Variants in FBXO11 observed in about 807,000 individuals in gnomAD.
FBXO11 encodes F-box only protein 11.
FBXO11 carries 13 observed loss-of-function variants against 117.0 expected under a neutral mutation model. That is an observed-to-expected ratio of 0.11 (90% CI 0.07 to 0.18). FBXO11 has a LOEUF of 0.18. Ranked by LOEUF, FBXO11 falls within the 10% of genes least tolerant of loss-of-function variation. The pLI, the probability that FBXO11 is intolerant of heterozygous loss-of-function variation, is 1.00. For missense variants in FBXO11, 767 were observed against 1,164.4 expected, an observed-to-expected ratio of 0.66 and a Z score of 4.97; for synonymous variants, 490 against 380.5, an observed-to-expected ratio of 1.29 and a Z score of -3.35.
At chr2:47,887,143 G>A (rs1415298995) in intron 1 of FBXO11, among the ~76,000 whole-genome samples, 2 of 151,992 alleles carry the variant, frequency 1.3e-5, no homozygotes, top group Non-Finnish European at 2.9e-5. Flanking sequence ...AACTTAGATG[G>A]GCATGGTGGC....
chr2:47,823,122 C>G, intron 12 of FBXO11, 21 bp downstream of exon 12: 2 of 1,544,140 alleles, frequency 1.3e-6, no homozygotes, highest in Non-Finnish European at 1.8e-6. Flanking sequence ...GTAATTTTCA[C>G]CCATAATTAT....
chr2:47,895,756 G>C (rs540697371), intron 1 of FBXO11, among the ~76,000 whole-genome samples: 7 of 151,804 alleles, frequency 4.6e-5, no homozygotes, highest in Admixed American at 1.3e-4. Context: ...GCAGTGGCAT[G>C]ATCTGGGCTC....
chr2:47,842,307 G>A (rs1170242884), intron 1 of FBXO11, among the ~76,000 whole-genome samples: 3 of 152,104 alleles, frequency 2.0e-5, no homozygotes, highest in Non-Finnish European at 2.9e-5. Flanking sequence ...AGCCACCGGC[G>A]CCCGGCAGGA....
intron 16 of FBXO11, among the ~76,000 whole-genome samples, chr2:47,817,638 T>A (rs1671094375): frequency 1.3e-5 from 2 of 152,216 alleles, no homozygotes; most frequent in South Asian, 2.1e-4. Context: ...AACTCCTCCT[T>A]TCACTTCAAT....
At chr2:47,834,222 T>G (rs1185285849) in intron 7 of FBXO11, among the ~76,000 whole-genome samples, 1 of 152,096 alleles carries the variant, frequency 6.6e-6, no homozygotes, top group Non-Finnish European at 1.5e-5. Context: ...TGGTGGTGCA[T>G]GCCTATAATC....
At chr2:47,838,031 G>C (rs1672723062) in intron 4 of FBXO11, among the ~76,000 whole-genome samples, 1 of 140,892 alleles carries the variant, frequency 7.1e-6, no homozygotes, top group African/African-American at 2.7e-5. Context: ...TTCAAGATCA[G>C]ACTGAGTAAC....
chr2:47,808,558 G>C (rs1369764830), intron 21 of FBXO11, 131 bp from the exon 22 acceptor site: 1 of 653,674 alleles, frequency 1.5e-6, no homozygotes, highest in Admixed American at 3.4e-5. Flanking sequence ...CTCCAGCCCA[G>C]ATTAATTCTG....
chr2:47,834,715 G>GA lies in FBXO11; in HGVS notation c.802-5dup. ...CATCTTCAATAGTATCATAATACTA[G>GA]AAAAAAATAAATGTGTCAGTACAGA... On this transcript the variant is annotated splice_region_variant and splice_polypyrimidine_tract_variant and intron_variant, in intron 6 of 22. Transcript: ENST00000403359. 6.2e-7 allele frequency: 1 copy of GA among 1,606,032 alleles called. No homozygotes were observed. Among genetic ancestry groups the GA allele is most frequent in the Non-Finnish European group, 8.5e-7 (1 of 1,177,694 alleles).
intron 1 of FBXO11, among the ~76,000 whole-genome samples, chr2:47,903,810 G>C (rs75191664): frequency 0.15 from 22,068 of 152,122 alleles, 1,734 homozygotes; most frequent in Non-Finnish European, 0.17. Context: ...GCATACAGTG[G>C]CAATTCTGGA....
At chr2:47,876,079 G>A (rs1398891961) in intron 1 of FBXO11, among the ~76,000 whole-genome samples, 1 of 152,170 alleles carries the variant, frequency 6.6e-6, no homozygotes, top group Admixed American at 6.5e-5. Context: ...ACTCCTTAAT[G>A]TCACACAGTT....
At chr2:47,863,559 A>G (rs1674952474) in intron 1 of FBXO11, among the ~76,000 whole-genome samples, 1 of 152,220 alleles carries the variant, frequency 6.6e-6, no homozygotes, top group Non-Finnish European at 1.5e-5. Flanking sequence ...CTTTATTTCA[A>G]AAGTTTCCCC....
intron 1 of FBXO11, among the ~76,000 whole-genome samples, chr2:47,852,868 G>C (rs1459775105): frequency 9.2e-5 from 14 of 152,108 alleles, no homozygotes; most frequent in Non-Finnish European, 2.1e-4. Flanking sequence ...AGAGAGGTTA[G>C]GCAACTCACA....
intron 1 of FBXO11, among the ~76,000 whole-genome samples, chr2:47,868,364 G>A (rs1010437309): frequency 2.6e-5 from 4 of 151,624 alleles, no homozygotes; most frequent in Non-Finnish European, 5.9e-5. Context: ...TTATTCCTGG[G>A]TACCCTGAAA....
intron 11 of FBXO11, among the ~76,000 whole-genome samples, chr2:47,825,127 G>T (rs192352795): frequency 6.6e-6 from 1 of 152,044 alleles, no homozygotes; most frequent in Non-Finnish European, 1.5e-5. Context: ...TTAAAAAGGG[G>T]ATATTCTGAA....
At chr2:47,873,087 G>T (rs748548783) in intron 1 of FBXO11, among the ~76,000 whole-genome samples, 1 of 152,118 alleles carries the variant, frequency 6.6e-6, no homozygotes, top group East Asian at 1.9e-4. Flanking sequence ...GTCACTACTG[G>T]TAAGTCTATG....
At chr2:47,849,406 T>C (rs1274151284) in intron 1 of FBXO11, among the ~76,000 whole-genome samples, 1 of 152,228 alleles carries the variant, frequency 6.6e-6, no homozygotes, top group Non-Finnish European at 1.5e-5. Flanking sequence ...CATACGTTCT[T>C]ACACTGAATT....
chr2:47,824,738 G>A (rs533009960), intron 11 of FBXO11, among the ~76,000 whole-genome samples: 25 of 152,108 alleles, frequency 1.6e-4, no homozygotes, highest in African/African-American at 5.3e-4. Context: ...GTGGAATTAT[G>A]GATAATTATG....
intron 1 of FBXO11, among the ~76,000 whole-genome samples, chr2:47,900,652 GTA>G (rs1678090704): frequency 2.9e-5 from 3 of 102,244 alleles, no homozygotes; most frequent in Non-Finnish European, 4.0e-5. Context: ...ATATACACAC[GTA>G]TACACACACG....
chr2:47,809,092 G>T, intron 21 of FBXO11, 66 bp downstream of exon 21: 2 of 981,152 alleles, frequency 2.0e-6, no homozygotes, highest in South Asian at 1.5e-5. Flanking sequence ...AAAATGCTAG[G>T]CATTGCTAAT....
Sources: gnomAD v4.1 joint callset for allele counts (sites outside exome capture counted in the v4.1 genomes callset) on GRCh38, gnomAD v4.1.1 for gene constraint, MANE v1.5 for transcripts, NCBI Gene and HGNC (gene_info 2026-07-23, HGNC 2026-07-21) for gene names.